CUX1: variants seen among roughly 807,000 people sequenced by gnomAD.
CUX1 encodes protein CASP.
In CUX1, 31 loss-of-function variants were observed where a neutral mutation model predicts 158.8. That is an observed-to-expected ratio of 0.20 (90% confidence interval 0.15 to 0.26). CUX1 has a LOEUF of 0.26. CUX1 is among the 10% of genes least tolerant of loss of function. The pLI is 1.00. For synonymous variants in CUX1, 879 were observed against 862.1 expected (o/e 1.02, Z -0.34); for missense variants, 1,589 against 2,014.6 (o/e 0.79, Z 4.04).
At chr7:101,892,743 T>G (rs541326468) in intron 1 of CUX1, among the ~76,000 whole-genome samples, 1 of 152,314 alleles carries the variant, frequency 6.6e-6, no homozygotes, top group South Asian at 2.1e-4. Flanking sequence ...GGTCTATTTT[T>G]GTTTAATTAG....
intron 8 of CUX1, among the ~76,000 whole-genome samples, chr7:102,143,471 C>G (rs2131414146): frequency 6.6e-6 from 1 of 152,254 alleles, no homozygotes; most frequent in African/African-American, 2.4e-5. Flanking sequence ...CGGAGCTTCA[C>G]CATGTTGCCC....
chr7:102,226,776 G>A (rs1392395701), intron 20 of CUX1, among the ~76,000 whole-genome samples: 1 of 152,092 alleles, frequency 6.6e-6, no homozygotes, highest in South Asian at 2.1e-4. Context: ...GATTACAGGC[G>A]TGAGCCACCA....
At chr7:102,063,537 T>C (rs1485859499) in intron 3 of CUX1, among the ~76,000 whole-genome samples, 3 of 151,992 alleles carry the variant, frequency 2.0e-5, no homozygotes, top group African/African-American at 7.2e-5. Context: ...TACAGGCGCC[T>C]GCCACCACAC....
chr7:101,967,590 T>C lies in CUX1; in HGVS notation c.141+51365T>C, dbSNP rs887696682. The stretch of plus-strand genomic sequence containing the variant: ...TCATCTTGCTGAGCCCGGGCATGTA[T>C]GCGTCAATGGTGAAAAACTGCAAAC... On this transcript the variant is annotated intron_variant, in intron 2 of 23. Coordinates refer to ENST00000292535, the MANE Select transcript of CUX1 (RefSeq NM_181552.4). Among the ~76,000 whole-genome samples the C allele has an allele frequency of 1.3e-5, 2 of 152,222 alleles. 1 individual carries two copies.
intron 2 of CUX1, among the ~76,000 whole-genome samples, chr7:101,950,854 A>G (rs995632610): frequency 2.0e-5 from 3 of 152,068 alleles, no homozygotes; most frequent in Admixed American, 1.3e-4. Context: ...AATATTTACT[A>G]TCTGACCCTT....
At chr7:101,840,712 G>C (rs1325465346) in intron 1 of CUX1, among the ~76,000 whole-genome samples, 3 of 151,966 alleles carry the variant, frequency 2.0e-5, no homozygotes, top group Non-Finnish European at 2.9e-5. Context: ...TCATGAAATG[G>C]GTAAACATTG....
intron 12 of CUX1, among the ~76,000 whole-genome samples, chr7:102,190,255 C>T (rs1185158607): frequency 1.3e-5 from 2 of 152,226 alleles, no homozygotes; most frequent in Admixed American, 6.5e-5. Context: ...TATGGCCTCA[C>T]GCTGCCCCGG....
intron 1 of CUX1, among the ~76,000 whole-genome samples, chr7:101,862,243 T>TA (rs1035209117): frequency 6.6e-6 from 1 of 151,988 alleles, no homozygotes; most frequent in African/African-American, 2.4e-5. Flanking sequence ...ATGGAGCATC[T>TA]AGCCATGGAG....
intron 1 of CUX1, among the ~76,000 whole-genome samples, chr7:101,860,929 G>GT (rs1327947061): frequency 2.6e-5 from 4 of 152,000 alleles, no homozygotes; most frequent in Admixed American, 2.6e-4. Flanking sequence ...ACCTCAGCCT[G>GT]TGAGGTTCCG....
intron 17 of CUX1, among the ~76,000 whole-genome samples, chr7:102,200,982 G>A (rs188753791): frequency 7.2e-5 from 10 of 139,398 alleles, no homozygotes; most frequent in Admixed American, 3.1e-4. Flanking sequence ...AGCCGTGATC[G>A]TGCCACTGCG....
intron 2 of CUX1, among the ~76,000 whole-genome samples, chr7:101,984,109 TATATATATATATATATATATACAC>T (rs1563091827): frequency 5.0e-5 from 2 of 39,944 alleles, no homozygotes; most frequent in African/African-American, 1.9e-4. Context: ...TATATATATA[TATATATATATATATATATATACAC>T]ACACACATAT....
chr7:102,226,388 C>G (rs1048218339), intron 20 of CUX1, among the ~76,000 whole-genome samples: 4 of 152,174 alleles, frequency 2.6e-5, no homozygotes, highest in African/African-American at 9.7e-5. Flanking sequence ...TGCCTCTCTC[C>G]ATCTTCCCCT....
intron 3 of CUX1, among the ~76,000 whole-genome samples, chr7:102,040,480 C>G (rs1821941567): frequency 6.6e-6 from 1 of 152,272 alleles, no homozygotes; most frequent in South Asian, 2.1e-4. Context: ...TTGTAGGGAC[C>G]CTTTGGTCTC....
At chr7:102,234,023 T>C in intron 21 of CUX1, 29 bp from the exon 22 acceptor site, 1 of 1,436,408 alleles carries the variant, frequency 7.0e-7, no homozygotes, top group African/African-American at 1.5e-5. Flanking sequence ...TCGGTGACAA[T>C]ACCTGTCTTG....
chr7:101,906,896 G>A (rs1349969400), intron 1 of CUX1, among the ~76,000 whole-genome samples: 1 of 152,084 alleles, frequency 6.6e-6, no homozygotes, highest in Non-Finnish European at 1.5e-5. Context: ...CCACTCATCT[G>A]CTGCCCCCCA....
Position 101,853,661 on chromosome 7 carries a change from A to T in CUX1, c.30+35992A>T, listed in dbSNP as rs1026236574. On this transcript the variant is annotated intron_variant, in intron 1 of 23. Coordinates refer to ENST00000292535, the MANE Select transcript of CUX1 (RefSeq NM_181552.4). ...AGTTTTGGTGGCCCCCACCGTAAGT[A>T]ATTAACCCAGGTGTCTAGTTGCGGG... Among the ~76,000 whole-genome samples, 4 of 151,120 alleles carry T rather than the reference A, an allele frequency of 2.6e-5. No homozygotes were observed. The South Asian group carries it at 8.3e-4, about 31-fold the overall frequency.
intron 4 of CUX1, among the ~76,000 whole-genome samples, chr7:102,091,940 G>A (rs1828623736): frequency 6.6e-6 from 1 of 152,106 alleles, no homozygotes; most frequent in Admixed American, 6.6e-5. Flanking sequence ...ATTTTTCCTG[G>A]GGACAGAGTT....
intron 2 of CUX1, among the ~76,000 whole-genome samples, chr7:102,007,348 T>C (rs562130167): frequency 6.6e-6 from 1 of 152,186 alleles, no homozygotes; most frequent in South Asian, 2.1e-4. Context: ...TTGCCCCTTA[T>C]AGTTTTTAGT....
chr7:101,835,704 C>T (rs1302529852), intron 1 of CUX1, among the ~76,000 whole-genome samples: 3 of 152,076 alleles, frequency 2.0e-5, no homozygotes, highest in Non-Finnish European at 4.4e-5. Flanking sequence ...TTTGTGTTGC[C>T]AACAGTCCAA....
Sources: allele counts gnomAD v4.1 joint callset (sites outside exome capture counted in the v4.1 genomes callset), GRCh38; gene constraint gnomAD v4.1.1; transcripts MANE v1.5; gene names NCBI Gene and HGNC (gene_info 2026-07-23, HGNC 2026-07-21).